TNNT1: variants seen among roughly 807,000 people sequenced by gnomAD.
The protein encoded by TNNT1 is troponin T1, slow skeletal type, also known as troponin T, slow skeletal muscle.
A neutral mutation model predicts 50.6 loss-of-function variants in TNNT1; 53 were observed. The ratio of observed to expected loss-of-function variants is 1.05; its 90% CI spans 0.84 to 1.32. The LOEUF (loss-of-function observed/expected upper bound fraction) is 1.32. Among genes scored for constraint, TNNT1 ranks in the 40% most tolerant of loss-of-function variants. TNNT1 has a pLI of 0.00. For synonymous variants in TNNT1, 142 were observed against 138.0 expected, an observed-to-expected ratio of 1.03 and a Z score of -0.20; for missense variants, 348 against 381.7, an observed-to-expected ratio of 0.91 and a Z score of 0.74.
chr19:55,143,039 C>T (rs1006059899), intron 6 of TNNT1, among the ~76,000 whole-genome samples: 1 of 151,826 alleles, frequency 6.6e-6, no homozygotes. Context: ...CATGGTGGTA[C>T]GTGCCTGTAA....
chr19:55,136,507 A>G lies in TNNT1; in HGVS notation c.611+596T>C, dbSNP rs539074939. ...AGAGAAGTCAGATAACGTGCGCAAGATCACAAAGTAGCCGGCAAAGCTGGC... is the reference window on the plus strand; with the variant it reads ...AGAGAAGTCAGATAACGTGCGCAAGGTCACAAAGTAGCCGGCAAAGCTGGC... On this transcript the variant is annotated intron_variant, in intron 11 of 13. Transcript: ENST00000588981. Among the ~76,000 whole-genome samples, 3 of 152,344 alleles carry G rather than the reference A, an allele frequency of 2.0e-5. No individual in the cohort carries two copies. The South Asian group carries it at 6.2e-4, about 32-fold the overall frequency.
chr19:55,147,268 C>A, intron 1 of TNNT1, 100 bp from the exon 2 acceptor site: 1 of 1,160,874 alleles, frequency 8.6e-7, no homozygotes, highest in East Asian at 2.5e-5. Context: ...GCCTGGACTC[C>A]TGGGTCTGGA....
At chr19:55,134,553 G>C (rs1358737778) in intron 11 of TNNT1, among the ~76,000 whole-genome samples, 2 of 149,284 alleles carry the variant, frequency 1.3e-5, no homozygotes, top group Non-Finnish European at 3.0e-5. Flanking sequence ...AGCCAGGCAG[G>C]GTGTTTCCGG....
At chr19:55,143,845 A>C (rs1388558439) in intron 6 of TNNT1, among the ~76,000 whole-genome samples, 1 of 152,092 alleles carries the variant, frequency 6.6e-6, no homozygotes, top group African/African-American at 2.4e-5. Flanking sequence ...GACTCAAGCT[A>C]ACAGGTATCT....
chr19:55,148,500 C>T (rs2085622377), intron 1 of TNNT1, among the ~76,000 whole-genome samples: 2 of 151,884 alleles, frequency 1.3e-5, no homozygotes, highest in Admixed American at 6.6e-5. Flanking sequence ...TTATGATGCC[C>T]GTGTTTCTGA....
chr19:55,135,536 T>C, intron 11 of TNNT1: 3 of 256,692 alleles, frequency 1.2e-5, no homozygotes, highest in South Asian at 3.3e-5. Flanking sequence ...TTTTTTTTTT[T>C]TTTTTTTTAA....
chr19:55,137,152 C>A lies in TNNT1; in HGVS notation c.562G>T (p.Glu188Ter). 1.2e-6 allele frequency: 2 copies of A among 1,612,336 alleles called. No homozygotes were observed. Among genetic ancestry groups the A allele is most frequent in the East Asian group, 2.2e-5 (1 of 44,780 alleles). The change falls in exon 11 of 14, where the codon GAG (glutamate) becomes TAG (stop). Residue 188 changes from glutamate (E) to a stop codon, truncating the protein, a stop_gained. Coordinates refer to ENST00000588981, the MANE Select transcript of TNNT1 (RefSeq NM_003283.6). LOFTEE classifies it high-confidence loss of function. ...GREMKVRILS[E>*]RKKPLDIDYM... ...TCAATGTCCAGAGGCTTCTTACGCT[C>A]GGAGAGGATGCGCACCTTCATCTCC...
rs1289108671 is a variant in TNNT1 at position 55,146,449 on chromosome 19, G to A, written c.91C>T (p.Pro31Ser). 3.7e-6 allele frequency: 5 copies of A among 1,362,282 alleles called. 1 individual carries two copies. Among genetic ancestry groups the A allele is most frequent in the Non-Finnish European group, 4.8e-6 (5 of 1,048,894 alleles). The allele number at this position is 1,362,282 out of a possible 1,614,324, so 84.4% of individuals were successfully genotyped here. A position where few individuals can be genotyped will look rare whatever the true frequency, so the allele number is the denominator to read the frequency against. Residue 31 changes from proline (P) to serine (S), a missense_variant, in exon 5 of 14, where the codon CCG (proline) becomes TCG (serine). Coordinates refer to ENST00000588981, the MANE Select transcript of TNNT1 (RefSeq NM_003283.6). ...CCGCGGTTACCTGGCTCTGCCACCG[G>A]CTCCGGCTCTTCGGGGGCTGGGGAG... ...EEEEAPEEPE[P>S]VAEPEEERPK...
At chr19:55,138,707 A>G (rs377417436) in intron 9 of TNNT1, among the ~76,000 whole-genome samples, 169 of 152,326 alleles carry the variant, frequency 1.1e-3, no homozygotes, top group African/African-American at 3.2e-3. Flanking sequence ...CTCACTCCAG[A>G]TGCTCAGCCT....
Position 55,137,085 on chromosome 19 carries a change from G to GCCCCC in TNNT1, c.611+13_611+17dup. On this transcript the variant is annotated intron_variant, in intron 11 of 13. Transcript: ENST00000588981. ...TCACACCCAGGCCCCTACACCCCGA[G>GCCCCC]CCCCCCACAGCACCTACCGGAGCTG... is the stretch of plus-strand genomic sequence containing the variant. The GCCCCC allele has an allele frequency of 2.2e-6, 3 of 1,338,562 alleles. No individual in the cohort carries two copies. Among genetic ancestry groups the GCCCCC allele is most frequent in the East Asian group, 2.4e-5 (1 of 41,740 alleles). The allele number at this position is 1,338,562 out of a possible 1,614,324, so 82.9% of individuals were successfully genotyped here.
Position 55,134,063 on chromosome 19 carries a change from C to T in TNNT1, c.750+3G>A. The T allele has an allele frequency of 6.2e-7, 1 of 1,613,014 alleles. No individual in the cohort carries two copies. The highest frequency in any genetic ancestry group is 8.5e-7 in the Non-Finnish European group (1 of 1,179,858). On this transcript the variant is annotated splice_donor_region_variant and intron_variant, in intron 12 of 13. Transcript: ENST00000588981. ...CCTCCCTCCCTGCGGAGCTGGGTCT[C>T]ACCTCATATTTCTGCTGTTTCAGCT...
Position 55,137,127 on chromosome 19 carries a change from T to C in TNNT1, c.587A>G (p.Asp196Gly). 6.2e-7 allele frequency: 1 copy of C among 1,607,398 alleles called. No homozygotes were observed. ...LSERKKPLDI[D>G]YMGEEQLRAR... ...CCGGAGCTGTTCCTCCCCCATGTAGTCAATGTCCAGAGGCTTCTTACGCTC... is the reference window on the plus strand; with the variant it reads ...CCGGAGCTGTTCCTCCCCCATGTAGCCAATGTCCAGAGGCTTCTTACGCTC... The change falls in exon 11 of 14, where the codon GAC (aspartate) becomes GGC (glycine). Residue 196 changes from aspartate (D) to glycine (G), a missense_variant. Physicochemically the swap from Asp to Gly is moderately conservative, Grantham distance 94. Around this residue, in one of 3 missense-constraint regions of TNNT1, gnomAD observed 253 missense variants for 291.8 expected, o/e 0.87. Transcript: ENST00000588981.
intron 10 of TNNT1, 61 bp from the exon 11 acceptor site, chr19:55,137,273 T>C (rs933203948): frequency 1.6e-6 from 2 of 1,249,388 alleles, no homozygotes; most frequent in Non-Finnish European, 2.3e-6. Flanking sequence ...CACTGCCGTG[T>C]CGGGACCCAC....
Position 55,147,008 on chromosome 19 carries a change from C to G in TNNT1, c.46G>C (p.Glu16Gln), listed in dbSNP as rs533504444. Residue 16 changes from glutamate (E) to glutamine (Q), a missense_variant and splice_region_variant, in exon 3 of 14, where the codon GAG (glutamate) becomes CAG (glutamine). Around this residue, in one of 3 missense-constraint regions of TNNT1, gnomAD observed 90 missense variants for 70.8 expected, o/e 1.27. Transcript: ENST00000588981. Reference protein sequence around the residue: ...EQEYEEEQPEEEAAEEEEEAP... With the variant: ...EQEYEEEQPEQEAAEEEEEAP... ...TAGGGCCGGCCCACTCCCTACTCACCTTCCGGCTGCTCCCTGCGGACGGGT... is the reference window on the plus strand; with the variant it reads ...TAGGGCCGGCCCACTCCCTACTCACGTTCCGGCTGCTCCCTGCGGACGGGT... The G allele has an allele frequency of 1.0e-4, 165 of 1,610,072 alleles. 1 individual carries two copies. The South Asian group carries it at 1.7e-3, about 17-fold the overall frequency.
At chr19:55,142,878 C>G (rs1281923168) in intron 6 of TNNT1, among the ~76,000 whole-genome samples, 1 of 151,090 alleles carries the variant, frequency 6.6e-6, no homozygotes, top group Admixed American at 6.6e-5. Context: ...GATGGCGTTT[C>G]ACAGCCTGGG....
Position 55,145,459 on chromosome 19 carries a change from T to C in TNNT1, c.128+85A>G, listed in dbSNP as rs1254053266. 2.1e-5 allele frequency: 29 copies of C among 1,369,760 alleles called. No homozygotes were observed. The Admixed American group carries it at 4.6e-4, about 22-fold the overall frequency. 84.9% of individuals were successfully genotyped at this position (1,369,760 alleles called of 1,614,324 possible). Reference sequence around the variant, plus strand: ...TGTTTCAATTTCCTCCCTCCATCTCTGCCTTTCTCACACCTTGTCTCTGGG... The same window carrying C: ...TGTTTCAATTTCCTCCCTCCATCTCCGCCTTTCTCACACCTTGTCTCTGGG... On this transcript the variant is annotated intron_variant, in intron 6 of 13. Coordinates refer to ENST00000588981, the MANE Select transcript of TNNT1 (RefSeq NM_003283.6).
At position 55,147,023 on chromosome 19, in the gene TNNT1, T is replaced by G. The variant is rs1221472304; in HGVS notation, c.33-2A>C. 2 of 1,611,634 alleles carry G rather than the reference T, an allele frequency of 1.2e-6. No individual in the cohort carries two copies. Among genetic ancestry groups the G allele is most frequent in the Non-Finnish European group, 1.7e-6 (2 of 1,179,182 alleles). On this transcript the variant is annotated splice_acceptor_variant, in intron 2 of 13. Transcript: ENST00000588981. LOFTEE classifies it high-confidence loss of function. ...CCCTACTCACCTTCCGGCTGCTCCC[T>G]GCGGACGGGTGTGGGGAGAGAGGAG...
chr19:55,134,253 C>G, intron 11 of TNNT1, 49 bp from the exon 12 acceptor site: 1 of 1,518,946 alleles, frequency 6.6e-7, no homozygotes, highest in Non-Finnish European at 8.9e-7. Flanking sequence ...GTTGTGGGAA[C>G]CACCCAAAGC....
At chr19:55,138,413 G>T (rs533390078) in intron 9 of TNNT1, among the ~76,000 whole-genome samples, 1 of 152,090 alleles carries the variant, frequency 6.6e-6, no homozygotes, top group African/African-American at 2.4e-5. Flanking sequence ...GAGTAGCTGG[G>T]ATTACAGGCA....
Sources: gnomAD v4.1 joint callset for allele counts (sites outside exome capture counted in the v4.1 genomes callset) on GRCh38, gnomAD v4.1.1 for gene constraint, gnomAD v4.1.1 regional missense constraint, MANE v1.5 for transcripts, NCBI Gene and HGNC (gene_info 2026-07-23, HGNC 2026-07-21) for gene names.